Variants in REV3L observed in about 807,000 individuals in gnomAD.
REV3L encodes REV3 like, DNA directed polymerase zeta catalytic subunit, also known as DNA polymerase zeta catalytic subunit.
A neutral mutation model predicts 299.4 loss-of-function variants in REV3L; 69 were observed. That is an observed-to-expected ratio of 0.23 (90% CI 0.19 to 0.28). The LOEUF (loss-of-function observed/expected upper bound fraction) is 0.28. Among genes scored for constraint, REV3L ranks in the 10% least tolerant of loss-of-function variants. The pLI, the probability that REV3L is intolerant of heterozygous loss-of-function variation, is 1.00. For synonymous variants in REV3L, 1,238 were observed against 1,271.4 expected, an observed-to-expected ratio of 0.97 and a Z score of 0.56; for missense variants, 3,128 against 3,693.8, an observed-to-expected ratio of 0.85 and a Z score of 3.97.
chr6:111,374,679 G>C lies in REV3L; in HGVS notation c.3676C>G (p.Leu1226Val). 6.2e-7 allele frequency: 1 copy of C among 1,613,322 alleles called. No individual in the cohort carries two copies. Among genetic ancestry groups the C allele is most frequent in the Non-Finnish European group, 8.5e-7 (1 of 1,179,814 alleles). The change falls in exon 13 of 32, where the codon CTT becomes GTT. Residue 1226 changes from leucine to valine, a missense_variant. Leu to Val is a conservative substitution (Grantham distance 32). Around this residue, in one of 9 missense-constraint regions of REV3L, gnomAD observed 2,409 missense variants for 2,611.8 expected, o/e 0.92. Coordinates refer to ENST00000368802, the MANE Select transcript of REV3L (RefSeq NM_001372078.1). ...EKGTSRKHTT[L>V]KDEKIKSQSG... Reference sequence around the variant, plus strand: ...TGAGATTTTATTTTTTCATCCTTAAGTGTTGTATGCTTTCTCGATGTACCT... The same window carrying C: ...TGAGATTTTATTTTTTCATCCTTAACTGTTGTATGCTTTCTCGATGTACCT...
intron 26 of REV3L, among the ~76,000 whole-genome samples, chr6:111,320,549 CTA>C (rs1164036398): frequency 6.6e-6 from 1 of 152,170 alleles, no homozygotes; most frequent in Non-Finnish European, 1.5e-5. Flanking sequence ...GGGCCAAAAA[CTA>C]TGGTACTGAC....
intron 25 of REV3L, among the ~76,000 whole-genome samples, chr6:111,328,788 C>T (rs1296833868): frequency 6.6e-6 from 1 of 152,008 alleles, no homozygotes; most frequent in Non-Finnish European, 1.5e-5. Context: ...TTTTTTGAGA[C>T]AGGGTCTCGT....
intron 28 of REV3L, 47 bp downstream of exon 28, chr6:111,313,305 T>C: frequency 1.3e-6 from 2 of 1,565,648 alleles, no homozygotes; most frequent in Middle Eastern, 1.7e-4. Context: ...ACCAGACACT[T>C]TAGCCACTTA....
chr6:111,333,999 C>T (rs539466748), intron 22 of REV3L, among the ~76,000 whole-genome samples: 9 of 152,190 alleles, frequency 5.9e-5, no homozygotes, highest in African/African-American at 2.2e-4. Flanking sequence ...AGTGCAATGG[C>T]AAAATCTCGG....
Position 111,373,196 on chromosome 6 carries a change from G to T in REV3L, c.5159C>A (p.Ser1720Tyr), listed in dbSNP as rs781704393. The T allele has an allele frequency of 6.2e-7, 1 of 1,614,134 alleles. No individual in the cohort carries two copies. The change falls in exon 13 of 32, where the codon TCT (serine) becomes TAT (tyrosine). Residue 1720 changes from serine (S) to tyrosine (Y), a missense_variant. This residue lies in a region of REV3L where 2,409 missense variants were observed against 2,611.8 expected (regional missense o/e 0.92). Coordinates refer to ENST00000368802, the MANE Select transcript of REV3L (RefSeq NM_001372078.1). ...HTTDSASWIRSGTLSPEIFEK... is the reference protein window; with the variant it reads ...HTTDSASWIRYGTLSPEIFEK... ...AAAAATTTCAGGACTTAAAGTACCA[G>T]ATCTAATCCATGAGGCTGAGTCTGT...
chr6:111,430,206 CAAG>C (rs543021735), intron 1 of REV3L: 479 of 819,260 alleles, frequency 5.8e-4, no homozygotes, highest in African/African-American at 8.5e-4. Flanking sequence ...TTTAGCCAAA[CAAG>C]AAGAAGTAGA....
chr6:111,399,673 C>CT (rs1436456201), intron 4 of REV3L, among the ~76,000 whole-genome samples: 1 of 151,902 alleles, frequency 6.6e-6, no homozygotes, highest in African/African-American at 2.4e-5. Flanking sequence ...CATGAGTAGA[C>CT]TGGGGTTACG....
intron 15 of REV3L, among the ~76,000 whole-genome samples, chr6:111,364,357 A>G (rs953600865): frequency 5.9e-5 from 9 of 152,150 alleles, no homozygotes; most frequent in African/African-American, 2.2e-4. Flanking sequence ...AAAGTTTGTA[A>G]AAGATTTGAA....
At chr6:111,383,814 G>A (rs1258718510) in intron 9 of REV3L, among the ~76,000 whole-genome samples, 1 of 152,042 alleles carries the variant, frequency 6.6e-6, no homozygotes, top group Non-Finnish European at 1.5e-5. Flanking sequence ...GCTACTCTGA[G>A]CAAAAAGAAC....
intron 31 of REV3L, among the ~76,000 whole-genome samples, chr6:111,305,602 T>TAA (rs936999126): frequency 6.6e-6 from 1 of 151,364 alleles, no homozygotes; most frequent in Non-Finnish European, 1.5e-5. Flanking sequence ...TAAAATAAAA[T>TAA]AAAAATAAAT....
At chr6:111,469,272 CAATA>C (rs1250511275) in intron 1 of REV3L, among the ~76,000 whole-genome samples, 1 of 151,888 alleles carries the variant, frequency 6.6e-6, no homozygotes, top group African/African-American at 2.4e-5. Context: ...AATGGGTGCT[CAATA>C]AATATTTGTT....
chr6:111,316,011 G>A (rs991410287), intron 26 of REV3L, among the ~76,000 whole-genome samples: 4 of 152,060 alleles, frequency 2.6e-5, no homozygotes, highest in African/African-American at 9.7e-5. Context: ...AGGCCAAGGC[G>A]GTGGATCATC....
At position 111,375,627 on chromosome 6, in the gene REV3L, A is replaced by G; in HGVS notation, c.2728T>C (p.Phe910Leu). The G allele has an allele frequency of 6.2e-7, 1 of 1,613,820 alleles. No homozygotes were observed. The highest frequency in any genetic ancestry group is 8.5e-7 in the Non-Finnish European group (1 of 1,179,846). Residue 910 changes from phenylalanine (F) to leucine (L), a missense_variant, in exon 13 of 32, where the codon TTT becomes CTT. Coordinates refer to ENST00000368802, the MANE Select transcript of REV3L (RefSeq NM_001372078.1). ...GTGTATTTATTTCCATATAGTCCAA[A>G]GGACTGCTCAGTTTCTAACGTTCCA... ...GDGTLETEQS[F>L]GLYGNKYTLR...
At position 111,465,720 on chromosome 6, in the gene REV3L, G is replaced by A. The variant is rs1335757117; in HGVS notation, c.139+17030C>T. Among the ~76,000 whole-genome samples the A allele has an allele frequency of 8.3e-5, 7 of 83,890 alleles. No homozygotes were observed. In the Admixed American group the frequency reaches 1.1e-3, roughly 14 times the overall value. The allele number at this position is 83,890 out of a possible 152,430, so 55.0% of individuals were successfully genotyped here. ...AGCACTCTAGCCTGGGCAACAAAGC[G>A]AGATTCCGACTCAAAAACAAAAACC... is the stretch of plus-strand genomic sequence containing the variant. On this transcript the variant is annotated intron_variant, in intron 1 of 31. Coordinates refer to ENST00000368802, the MANE Select transcript of REV3L (RefSeq NM_001372078.1).
intron 26 of REV3L, among the ~76,000 whole-genome samples, chr6:111,316,436 G>A (rs1383506079): frequency 6.6e-6 from 1 of 151,946 alleles, no homozygotes; most frequent in Non-Finnish European, 1.5e-5. Context: ...GGCTGAGGCG[G>A]GTGTATCACC....
At chr6:111,408,933 C>T (rs1349994761) in intron 3 of REV3L, among the ~76,000 whole-genome samples, 1 of 152,166 alleles carries the variant, frequency 6.6e-6, no homozygotes, top group Non-Finnish European at 1.5e-5. Flanking sequence ...GATCTACCCA[C>T]CTCGGCCTCC....
chr6:111,399,203 C>T (rs1782837208), intron 4 of REV3L, among the ~76,000 whole-genome samples: 1 of 152,148 alleles, frequency 6.6e-6, no homozygotes, highest in African/African-American at 2.4e-5. Context: ...GAAACTCTTC[C>T]ATTCCTCAAT....
chr6:111,317,185 G>T (rs895967184), intron 26 of REV3L, among the ~76,000 whole-genome samples: 2 of 152,000 alleles, frequency 1.3e-5, no homozygotes, highest in African/African-American at 2.4e-5. Flanking sequence ...TTTTATACTG[G>T]ATTTTTAAAT....
At chr6:111,480,166 G>T (rs2128346642) in intron 1 of REV3L, among the ~76,000 whole-genome samples, 1 of 152,198 alleles carries the variant, frequency 6.6e-6, no homozygotes, top group South Asian at 2.1e-4. Context: ...AAAGCATTAA[G>T]GACCTCCCAA....
Sources: allele counts gnomAD v4.1 joint callset (sites outside exome capture counted in the v4.1 genomes callset), GRCh38; gene constraint gnomAD v4.1.1; regional missense constraint gnomAD v4.1.1; transcripts MANE v1.5; gene names NCBI Gene and HGNC (gene_info 2026-07-23, HGNC 2026-07-21).